The following SNX29 variants were observed in gnomAD, a reference collection of about 807,000 sequenced individuals.
The protein encoded by SNX29 is sorting nexin-29.
Under a neutral mutation model 102.1 loss-of-function variants are expected in SNX29, and 78 were observed. That is an observed-to-expected ratio of 0.76 (90% CI 0.64 to 0.92). The LOEUF (loss-of-function observed/expected upper bound fraction) is 0.92, where lower values mean the gene tolerates loss of function less well. Ranked by LOEUF, SNX29 falls within the 40% of genes least tolerant of loss-of-function variation. The pLI is 0.00. For synonymous variants in SNX29, 580 were observed against 414.5 expected, an observed-to-expected ratio of 1.40 and a Z score of -4.85; for missense variants, 1,280 against 1,061.7, an observed-to-expected ratio of 1.21 and a Z score of -2.86.
chr16:12,397,903 C>T (rs2083777249), intron 16 of SNX29, among the ~76,000 whole-genome samples: 1 of 152,128 alleles, frequency 6.6e-6, no homozygotes, highest in African/African-American at 2.4e-5. Context: ...CACCATGCCA[C>T]ACAGTTTAGT....
intron 14 of SNX29, among the ~76,000 whole-genome samples, chr16:12,275,814 C>T (rs749774945): frequency 6.8e-6 from 1 of 147,462 alleles, no homozygotes; most frequent in Non-Finnish European, 1.5e-5. Flanking sequence ...TAGATGTATA[C>T]AAAATTTAAT....
chr16:12,510,681 G>GAAAAC (rs149672378), intron 19 of SNX29, among the ~76,000 whole-genome samples: 2,395 of 151,830 alleles, frequency 0.016, 33 homozygotes, highest in African/African-American at 0.037. Context: ...TCAAAAAAAA[G>GAAAAC]AAAACAAAAC....
chr16:12,545,609 A>AAGC (rs1469969417), intron 20 of SNX29: 2 of 152,180 alleles, frequency 1.3e-5, no homozygotes, highest in Non-Finnish European at 2.9e-5. Flanking sequence ...GAGGTACAGA[A>AAGC]AGCAAGGGTC....
intron 18 of SNX29, among the ~76,000 whole-genome samples, chr16:12,411,389 A>T (rs1455068100): frequency 6.6e-6 from 1 of 152,104 alleles, no homozygotes; most frequent in Non-Finnish European, 1.5e-5. Context: ...CGTTCTGAGG[A>T]TCATAGCACA....
chr16:12,234,909 T>C (rs1191282181), intron 14 of SNX29, among the ~76,000 whole-genome samples: 1 of 152,152 alleles, frequency 6.6e-6, no homozygotes, highest in East Asian at 1.9e-4. Context: ...ACCTTACACG[T>C]GGCTCTCATT....
At chr16:12,024,887 G>T (rs2057144166) in intron 3 of SNX29, among the ~76,000 whole-genome samples, 1 of 151,948 alleles carries the variant, frequency 6.6e-6, no homozygotes, top group African/African-American at 2.4e-5. Flanking sequence ...TTTTGTTTTT[G>T]TTTTTTTCTC....
intron 11 of SNX29, among the ~76,000 whole-genome samples, chr16:12,117,926 C>A (rs1195911566): frequency 1.3e-5 from 2 of 151,798 alleles, no homozygotes; most frequent in East Asian, 3.9e-4. Context: ...AAACCCTGTC[C>A]CTACTAAAAA....
At chr16:11,982,470 C>A (rs2055442915) in intron 1 of SNX29, among the ~76,000 whole-genome samples, 1 of 149,098 alleles carries the variant, frequency 6.7e-6, no homozygotes, top group African/African-American at 2.5e-5. Flanking sequence ...TGCTCTGTCA[C>A]CCAGGCTGGA....
At chr16:12,338,978 A>G (rs1327011320) in intron 15 of SNX29, among the ~76,000 whole-genome samples, 1 of 145,504 alleles carries the variant, frequency 6.9e-6, no homozygotes, top group African/African-American at 2.4e-5. Flanking sequence ...GAGAGGTTAA[A>G]CTTGTTCCAC....
chr16:12,556,714 C>G (rs562315790), intron 20 of SNX29, among the ~76,000 whole-genome samples: 4 of 152,060 alleles, frequency 2.6e-5, no homozygotes, highest in Non-Finnish European at 5.9e-5. Context: ...GCCAGTGGGT[C>G]TTGGATTTTG....
chr16:12,386,791 G>T (rs1000082210), intron 16 of SNX29, among the ~76,000 whole-genome samples: 6 of 152,166 alleles, frequency 3.9e-5, no homozygotes, highest in African/African-American at 1.4e-4. Context: ...AACAAAAAAA[G>T]GCCTTCTTTT....
intron 1 of SNX29, among the ~76,000 whole-genome samples, chr16:11,981,590 CTT>C (rs1227151865): frequency 6.6e-6 from 1 of 152,024 alleles, no homozygotes; most frequent in Non-Finnish European, 1.5e-5. Flanking sequence ...TTTTCAGTCT[CTT>C]GTATGTGCTA....
chr16:12,572,799 A>G lies in SNX29; in HGVS notation c.*4170A>G. ...CCCACCTCACTCCTCCTTCCCCAGT[A>G]CATCAGACTGGTTAGGAGGCATCCC... On this transcript the variant is annotated 3_prime_UTR_variant, in exon 21 of 21. Transcript: ENST00000566228. 1.9e-6 allele frequency: 2 copies of G among 1,063,638 alleles called. No individual in the cohort carries two copies. The highest frequency in any genetic ancestry group is 4.6e-5 in the South Asian group (1 of 21,974). The allele number at this position is 1,063,638 out of a possible 1,614,324, so 65.9% of individuals were successfully genotyped here. A position where few individuals can be genotyped will look rare whatever the true frequency, so the allele number is the denominator to read the frequency against.
At chr16:12,502,709 C>T (rs888046131) in intron 19 of SNX29, among the ~76,000 whole-genome samples, 2 of 152,206 alleles carry the variant, frequency 1.3e-5, no homozygotes, top group Admixed American at 6.5e-5. Context: ...GTACCCTCTA[C>T]GTGAAACATG....
chr16:12,200,163 T>C (rs1225737283), intron 14 of SNX29, among the ~76,000 whole-genome samples: 2 of 152,196 alleles, frequency 1.3e-5, no homozygotes, highest in East Asian at 3.8e-4. Context: ...ACCTACCTCA[T>C]GAGGCAATCC....
At chr16:12,323,774 G>A (rs570959049) in intron 15 of SNX29, among the ~76,000 whole-genome samples, 1 of 152,272 alleles carries the variant, frequency 6.6e-6, no homozygotes, top group East Asian at 1.9e-4. Flanking sequence ...CCTTCCCTGT[G>A]CCTCGTCTTC....
intron 15 of SNX29, among the ~76,000 whole-genome samples, chr16:12,355,270 C>A (rs974960680): frequency 6.6e-6 from 1 of 152,284 alleles, no homozygotes; most frequent in African/African-American, 2.4e-5. Context: ...TCCTCAGATA[C>A]GACACACATT....
chr16:12,322,617 G>C (rs1040578932), intron 15 of SNX29, among the ~76,000 whole-genome samples: 2 of 152,170 alleles, frequency 1.3e-5, no homozygotes, highest in African/African-American at 2.4e-5. Flanking sequence ...GTAACTTGGG[G>C]ATCATCTCAA....
At chr16:12,417,822 A>G (rs2084704889) in intron 18 of SNX29, among the ~76,000 whole-genome samples, 1 of 151,646 alleles carries the variant, frequency 6.6e-6, no homozygotes, top group Admixed American at 6.6e-5. Context: ...TGGAGAGGAA[A>G]TTCATAATTT....
Sources: allele counts gnomAD v4.1 joint callset (sites outside exome capture counted in the v4.1 genomes callset), GRCh38; gene constraint gnomAD v4.1.1; transcripts MANE v1.5; gene names NCBI Gene and HGNC (gene_info 2026-07-23, HGNC 2026-07-21).